Variants in AIG1 observed in about 807,000 individuals in gnomAD.
The protein encoded by AIG1 is androgen induced 1, also known as androgen-induced gene 1 protein.
AIG1 carries 23 observed loss-of-function variants against 31.4 expected under a neutral mutation model. The observed-to-expected ratio is 0.73, with a 90% CI of 0.53 to 1.04. The LOEUF (loss-of-function observed/expected upper bound fraction) is 1.04, where lower values mean the gene tolerates loss of function less well. Among genes scored for constraint, AIG1 ranks in the 50% least tolerant of loss-of-function variants. The pLI is 0.00. For synonymous variants in AIG1, 100 were observed against 110.5 expected, an observed-to-expected ratio of 0.90 and a Z score of 0.60; for missense variants, 274 against 295.0, an observed-to-expected ratio of 0.93 and a Z score of 0.52.
intron 5 of AIG1, among the ~76,000 whole-genome samples, chr6:143,337,496 G>T (rs761534020): frequency 7.2e-5 from 11 of 152,014 alleles, no homozygotes; most frequent in Non-Finnish European, 1.2e-4. Flanking sequence ...GTGGAGCGCG[G>T]GGGGGGACAC....
intron 3 of AIG1, among the ~76,000 whole-genome samples, chr6:143,277,086 T>C (rs1796987077): frequency 6.6e-6 from 1 of 152,220 alleles, no homozygotes; most frequent in African/African-American, 2.4e-5. Context: ...TTCTCAGTTT[T>C]TCTCATGTCC....
intron 2 of AIG1, among the ~76,000 whole-genome samples, chr6:143,152,991 A>T (rs1785377018): frequency 6.6e-6 from 1 of 152,206 alleles, no homozygotes; most frequent in Admixed American, 6.5e-5. Flanking sequence ...CTGCAGGCGT[A>T]TGGCAAGATT....
intron 2 of AIG1, among the ~76,000 whole-genome samples, chr6:143,159,209 T>C (rs1439280987): frequency 6.6e-6 from 1 of 152,226 alleles, no homozygotes; most frequent in Non-Finnish European, 1.5e-5. Context: ...GGAAAGAGCT[T>C]AATAATTTTC....
chr6:143,132,997 G>C (rs1195406081), intron 1 of AIG1, among the ~76,000 whole-genome samples: 1 of 151,702 alleles, frequency 6.6e-6, no homozygotes, highest in African/African-American at 2.4e-5. Flanking sequence ...TAATGCACTT[G>C]TCTACCAATT....
chr6:143,237,326 TTATTC>T (rs1793883196), intron 3 of AIG1, among the ~76,000 whole-genome samples: 1 of 152,188 alleles, frequency 6.6e-6, no homozygotes, highest in Non-Finnish European at 1.5e-5. Flanking sequence ...AGGCTACAAT[TTATTC>T]TATAATGTCT....
chr6:143,147,580 G>C (rs947152573), intron 2 of AIG1, among the ~76,000 whole-genome samples: 1 of 152,082 alleles, frequency 6.6e-6, no homozygotes, highest in South Asian at 2.1e-4. Context: ...TATTACACTA[G>C]ATAATAAAAT....
At chr6:143,235,198 G>A (rs548698435) in intron 3 of AIG1, among the ~76,000 whole-genome samples, 1 of 152,248 alleles carries the variant, frequency 6.6e-6, no homozygotes, top group East Asian at 1.9e-4. Context: ...TATGCCCCGG[G>A]TGCTGTGGAA....
rs1441454989 is a variant in AIG1 at position 143,297,318 on chromosome 6, T to C, written c.515+13093T>C. Among the ~76,000 whole-genome samples the C allele has an allele frequency of 1.3e-5, 2 of 152,172 alleles. No individual in the cohort carries two copies. Among genetic ancestry groups the C allele is most frequent in the Non-Finnish European group, 2.9e-5 (2 of 68,024 alleles). ...AAGCAGTTCAGTGCACCTGGACCCA[T>C]TGACATTTTGCCCTCCTCCTGTCAC... On this transcript the variant is annotated intron_variant, in intron 4 of 5. Coordinates refer to ENST00000357847, the MANE Select transcript of AIG1 (RefSeq NM_016108.4). This position sits in a 1 kb window ranked among gnomAD's most constrained non-coding sequence, Gnocchi z 5.1.
chr6:143,147,903 G>C (rs1301517076), intron 2 of AIG1, among the ~76,000 whole-genome samples: 1 of 152,146 alleles, frequency 6.6e-6, no homozygotes, highest in Non-Finnish European at 1.5e-5. Context: ...GCCAGGCACT[G>C]TGCTAAGGGC....
At chr6:143,312,760 G>C (rs530991717) in intron 4 of AIG1, among the ~76,000 whole-genome samples, 5 of 151,922 alleles carry the variant, frequency 3.3e-5, no homozygotes, top group Non-Finnish European at 7.4e-5. Flanking sequence ...CATCAATAAA[G>C]TGAAGAGATA....
At chr6:143,104,161 C>T (rs1390878062) in intron 1 of AIG1, among the ~76,000 whole-genome samples, 1 of 152,126 alleles carries the variant, frequency 6.6e-6, no homozygotes, top group Non-Finnish European at 1.5e-5. Context: ...CTTACTAGTC[C>T]CTCTTTGGGA....
rs1335077081 is a variant in AIG1, at chr6:143,327,878, G to C, written c.516-5404G>C. Among the ~76,000 whole-genome samples, 1 of 152,066 alleles carries C rather than the reference G, an allele frequency of 6.6e-6. No individual in the cohort carries two copies. Among genetic ancestry groups the C allele is most frequent in the Non-Finnish European group, 1.5e-5 (1 of 68,020 alleles). On this transcript the variant is annotated intron_variant, in intron 4 of 5. Coordinates refer to ENST00000357847, the MANE Select transcript of AIG1 (RefSeq NM_016108.4). This position sits in a 1 kb window ranked among gnomAD's most constrained non-coding sequence, Gnocchi z 5.3. ...TGTCTTTAGATATATTGAGTTTGAG[G>C]TATCTTTAAGATGGGCAAAATGAGA...
chr6:143,146,701 G>T (rs1364080406), intron 2 of AIG1, among the ~76,000 whole-genome samples: 1 of 152,228 alleles, frequency 6.6e-6, no homozygotes, highest in African/African-American at 2.4e-5. Context: ...AACTCCTTTA[G>T]CTGGACCAAA....
At chr6:143,144,457 G>A (rs530145746) in intron 2 of AIG1, among the ~76,000 whole-genome samples, 1 of 152,274 alleles carries the variant, frequency 6.6e-6, no homozygotes, top group East Asian at 1.9e-4. Flanking sequence ...TGTGTTTAAG[G>A]TGCAGAGAAG....
At chr6:143,188,255 CAT>C (rs1196314289) in intron 3 of AIG1, 2 of 987,578 alleles carry the variant, frequency 2.0e-6, no homozygotes, top group African/African-American at 3.5e-5. Flanking sequence ...TAGGCACACT[CAT>C]AGAGTAAACT....
At chr6:143,194,155 T>C (rs1305855640) in intron 3 of AIG1, among the ~76,000 whole-genome samples, 1 of 152,138 alleles carries the variant, frequency 6.6e-6, no homozygotes, top group Non-Finnish European at 1.5e-5. Context: ...AGGAAAGAGA[T>C]TTAATTGACT....
At chr6:143,208,136 C>G (rs2128612557) in intron 3 of AIG1, among the ~76,000 whole-genome samples, 1 of 152,224 alleles carries the variant, frequency 6.6e-6, no homozygotes, top group South Asian at 2.1e-4. Context: ...TCCAGTGTGC[C>G]TTGGTGTTAC....
rs1777831119 is a variant in AIG1, at chr6:143,340,856, T to C, written c.*1180T>C. Among the ~76,000 whole-genome samples the C allele has an allele frequency of 6.6e-6, 1 of 152,160 alleles. No homozygotes were observed. The highest frequency in any genetic ancestry group is 2.4e-5 in the African/African-American group (1 of 41,426). The stretch of plus-strand genomic sequence containing the variant: ...GTTATATAAATTATAAAATGTTACT[T>C]AACACAAATATAAGTATTGATTGCC... On this transcript the variant is annotated 3_prime_UTR_variant, in exon 6 of 6. Transcript: ENST00000357847.
chr6:143,143,875 C>T (rs1784502173), intron 2 of AIG1, among the ~76,000 whole-genome samples: 1 of 152,026 alleles, frequency 6.6e-6, no homozygotes, highest in Non-Finnish European at 1.5e-5. Context: ...GCCATGTTTT[C>T]CCAATACCAG....
Sources: allele counts gnomAD v4.1 joint callset (sites outside exome capture counted in the v4.1 genomes callset), GRCh38; gene constraint gnomAD v4.1.1; non-coding constraint Gnocchi (gnomAD v3.1); transcripts MANE v1.5; gene names NCBI Gene and HGNC (gene_info 2026-07-23, HGNC 2026-07-21).